ITGBL1: variants seen among roughly 807,000 people sequenced by gnomAD.
ITGBL1 encodes the protein integrin subunit beta like 1.
A neutral mutation model predicts 68.5 loss-of-function variants in ITGBL1; 51 were observed. The observed-to-expected ratio is 0.74, with a 90% CI of 0.59 to 0.94. The LOEUF is 0.94. Among genes scored for constraint, ITGBL1 ranks in the 40% least tolerant of loss-of-function variants. The pLI is 0.00. For synonymous variants in ITGBL1, 209 were observed against 227.3 expected (o/e 0.92, Z 0.72); for missense variants, 649 against 647.4 (o/e 1.00, Z -0.03).
At chr13:101,646,882 G>A (rs958416273) in intron 7 of ITGBL1, among the ~76,000 whole-genome samples, 1 of 152,080 alleles carries the variant, frequency 6.6e-6, no homozygotes, top group African/African-American at 2.4e-5. Flanking sequence ...GGTTCAGTTG[G>A]AGAAAGAAAT....
intron 2 of ITGBL1, among the ~76,000 whole-genome samples, chr13:101,562,696 G>GA (rs1281551405): frequency 2.6e-5 from 4 of 151,754 alleles, no homozygotes; most frequent in East Asian, 1.9e-4. Context: ...ACTGAAAGGG[G>GA]AAAAAATCCA....
At chr13:101,469,225 C>T (rs2048424286) in intron 2 of ITGBL1, among the ~76,000 whole-genome samples, 1 of 152,168 alleles carries the variant, frequency 6.6e-6, no homozygotes, top group Admixed American at 6.5e-5. Flanking sequence ...AAGGCATTTA[C>T]AGAAAGCTGA....
chr13:101,641,352 AT>A (rs951752498), intron 7 of ITGBL1, among the ~76,000 whole-genome samples: 3 of 151,854 alleles, frequency 2.0e-5, no homozygotes, highest in Non-Finnish European at 2.9e-5. Context: ...ATTTCTTTTT[AT>A]TTTTTTGCAT....
At chr13:101,601,081 G>T (rs2030344407) in intron 7 of ITGBL1, among the ~76,000 whole-genome samples, 2 of 152,144 alleles carry the variant, frequency 1.3e-5, no homozygotes, top group African/African-American at 4.8e-5. Context: ...ACTGTGTTTG[G>T]TTGGTAAGCT....
chr13:101,645,368 A>G (rs920756574), intron 7 of ITGBL1, among the ~76,000 whole-genome samples: 2 of 152,210 alleles, frequency 1.3e-5, no homozygotes, highest in African/African-American at 4.8e-5. Context: ...GAGCCCACTC[A>G]GTGGCTTCTG....
chr13:101,663,973 T>G (rs576269021), intron 7 of ITGBL1, among the ~76,000 whole-genome samples: 1 of 152,332 alleles, frequency 6.6e-6, no homozygotes, highest in East Asian at 1.9e-4. Context: ...AGATTTATTG[T>G]CATAATAATC....
At chr13:101,586,921 T>G (rs2139298289) in intron 6 of ITGBL1, among the ~76,000 whole-genome samples, 1 of 152,320 alleles carries the variant, frequency 6.6e-6, no homozygotes, top group African/African-American at 2.4e-5. Context: ...TGCCATATAG[T>G]TGATTATTGA....
chr13:101,588,297 T>TTGGTGTGTGTGTG (rs1555360537), intron 6 of ITGBL1, among the ~76,000 whole-genome samples: 8 of 149,786 alleles, frequency 5.3e-5, no homozygotes, highest in African/African-American at 1.7e-4. Flanking sequence ...TATTCTTCCA[T>TTGGTGTGTGTGTG]TGTGTGTGTG....
At chr13:101,566,557 A>G (rs2050186411) in intron 2 of ITGBL1, among the ~76,000 whole-genome samples, 3 of 152,164 alleles carry the variant, frequency 2.0e-5, no homozygotes, top group Non-Finnish European at 2.9e-5. Context: ...TGGTCCACAT[A>G]AAGAGCAGTT....
chr13:101,579,824 T>C (rs1314805221), intron 5 of ITGBL1, among the ~76,000 whole-genome samples: 1 of 152,170 alleles, frequency 6.6e-6, no homozygotes, highest in African/African-American at 2.4e-5. Context: ...AACCCTCTTG[T>C]CTTAATTATG....
At chr13:101,624,433 A>G (rs1221945175) in intron 7 of ITGBL1, among the ~76,000 whole-genome samples, 1 of 152,166 alleles carries the variant, frequency 6.6e-6, no homozygotes, top group Admixed American at 6.6e-5. Context: ...GCATTTTAAA[A>G]TAGTCTGTAA....
At chr13:101,677,482 T>C (rs2139518167) in intron 7 of ITGBL1, among the ~76,000 whole-genome samples, 1 of 152,308 alleles carries the variant, frequency 6.6e-6, no homozygotes, top group Middle Eastern at 3.4e-3. Context: ...TACTCTTAAT[T>C]TTGAATTTTT....
Position 101,567,852 on chromosome 13 carries a change from A to G in ITGBL1, c.463+7A>G. ...ATCATCTGCTCTAATGCAGGTAAGA[A>G]GTATACCCTGTGAAAATTGTTAAGT... On this transcript the variant is annotated splice_region_variant and intron_variant, in intron 3 of 10. Coordinates refer to ENST00000376180, the MANE Select transcript of ITGBL1 (RefSeq NM_004791.3). 6.2e-7 allele frequency: 1 copy of G among 1,605,404 alleles called. No homozygotes were observed. The highest frequency in any genetic ancestry group is 8.5e-7 in the Non-Finnish European group (1 of 1,175,866).
At chr13:101,712,149 C>T (rs1395866325) in intron 9 of ITGBL1, 4 of 152,184 alleles carry the variant, frequency 2.6e-5, no homozygotes, top group Non-Finnish European at 5.9e-5. Flanking sequence ...TATGTGCTAT[C>T]TAGTTCTAGT....
chr13:101,454,424 G>T, intron 2 of ITGBL1, among the ~76,000 whole-genome samples: 1 of 132,676 alleles, frequency 7.5e-6, no homozygotes, highest in East Asian at 2.6e-4. Flanking sequence ...CCAACTCCTG[G>T]AATCAAGCTA....
At chr13:101,525,657 C>A (rs1319900757) in intron 2 of ITGBL1, among the ~76,000 whole-genome samples, 3 of 151,810 alleles carry the variant, frequency 2.0e-5, no homozygotes, top group Admixed American at 2.0e-4. Flanking sequence ...ATAGAAAGAA[C>A]AAATACTTGC....
chr13:101,582,506 G>A (rs2050475761), intron 5 of ITGBL1, among the ~76,000 whole-genome samples: 1 of 152,114 alleles, frequency 6.6e-6, no homozygotes, highest in African/African-American at 2.4e-5. Flanking sequence ...ATGTACAGCT[G>A]GGCATTTCCC....
At chr13:101,578,760 CCT>C (rs1375875547) in intron 4 of ITGBL1, among the ~76,000 whole-genome samples, 2 of 152,200 alleles carry the variant, frequency 1.3e-5, no homozygotes, top group African/African-American at 4.8e-5. Context: ...AGGCTGAAAA[CCT>C]CTCTTTCACA....
At chr13:101,677,208 A>G (rs758995584) in intron 7 of ITGBL1, among the ~76,000 whole-genome samples, 2 of 152,226 alleles carry the variant, frequency 1.3e-5, no homozygotes, top group South Asian at 2.1e-4. Flanking sequence ...AGAGGGGGAA[A>G]AAGAAGAAAG....
Sources: gnomAD v4.1 joint callset for allele counts (sites outside exome capture counted in the v4.1 genomes callset) on GRCh38, gnomAD v4.1.1 for gene constraint, MANE v1.5 for transcripts, NCBI Gene and HGNC (gene_info 2026-07-23, HGNC 2026-07-21) for gene names.